PDE6C: variants seen among roughly 807,000 people sequenced by gnomAD.
The protein encoded by PDE6C is cone cGMP-specific 3',5'-cyclic phosphodiesterase subunit alpha'.
PDE6C carries 75 observed loss-of-function variants against 113.1 expected under a neutral mutation model. The observed-to-expected ratio is 0.66, with a 90% CI of 0.55 to 0.80. The LOEUF (loss-of-function observed/expected upper bound fraction) is 0.80. Ranked by LOEUF, PDE6C falls within the 30% of genes least tolerant of loss-of-function variation. The pLI is 0.00. For missense variants in PDE6C, 912 were observed against 1,038.6 expected (o/e 0.88, Z 1.67); for synonymous variants, 375 against 363.7 (o/e 1.03, Z -0.35).
chr10:93,619,786 A>C (rs564626), intron 1 of PDE6C, among the ~76,000 whole-genome samples: 61,497 of 152,074 alleles, frequency 0.4, 13,567 homozygotes, highest in Non-Finnish European at 0.49. Context: ...GTTCCTGTGG[A>C]TCCAGCAAAA....
chr10:93,634,792 A>C lies in PDE6C; in HGVS notation c.1154A>C (p.Lys385Thr). 6.2e-7 allele frequency: 1 copy of C among 1,614,164 alleles called. No homozygotes were observed. The highest frequency in any genetic ancestry group is 8.5e-7 in the Non-Finnish European group (1 of 1,180,002). The change falls in exon 9 of 22, where the codon AAG (lysine) becomes ACG (threonine). Residue 385 changes from lysine to threonine, a missense_variant. Coordinates refer to ENST00000371447, the MANE Select transcript of PDE6C (RefSeq NM_006204.4). ...GTAGACGAAACTGGTTGGGTCATTA[A>C]GAATGTTTTGTCCCTGCCTATTGTC... ...GPVDETGWVI[K>T]NVLSLPIVNK...
chr10:93,657,159 TG>T (rs1163594258), intron 16 of PDE6C, among the ~76,000 whole-genome samples: 2 of 151,664 alleles, frequency 1.3e-5, no homozygotes, highest in Admixed American at 6.6e-5. Flanking sequence ...TTGTTTTTTT[TG>T]TTTGGTTTCT....
intron 8 of PDE6C, among the ~76,000 whole-genome samples, chr10:93,633,426 G>A (rs182414883): frequency 9.2e-5 from 13 of 141,946 alleles, no homozygotes; most frequent in Middle Eastern, 4.0e-3. Flanking sequence ...AGATTGTGCC[G>A]TTGTACTCCA....
At chr10:93,626,159 C>T (rs1241760061) in intron 5 of PDE6C, among the ~76,000 whole-genome samples, 1 of 152,162 alleles carries the variant, frequency 6.6e-6, no homozygotes, top group Non-Finnish European at 1.5e-5. Context: ...TCAGCTTTGG[C>T]AGTGAAACCT....
chr10:93,634,731 T>A lies in PDE6C; in HGVS notation c.1120-27T>A, dbSNP rs543633866. ...ATTTCAAACTAAAAAGGCAAAAAAA[T>A]AACTTGAGGTCCCTTCTCGTTTGTA... On this transcript the variant is annotated intron_variant, in intron 8 of 21. Transcript: ENST00000371447. The A allele has an allele frequency of 6.8e-5, 110 of 1,613,536 alleles. 1 individual carries two copies. The South Asian group carries it at 1.2e-3, about 17-fold the overall frequency.
At chr10:93,640,403 C>T in intron 12 of PDE6C, 47 bp from the exon 13 acceptor site, 1 of 1,448,386 alleles carries the variant, frequency 6.9e-7, no homozygotes, top group Non-Finnish European at 9.7e-7. Flanking sequence ...GACCTTCTAA[C>T]CTTTAGAATT....
Position 93,613,081 on chromosome 10 carries a change from C to G in PDE6C, c.356C>G (p.Pro119Arg). ...EVASRLLDVTPTSKFEDNLVG... is the reference protein window; with the variant it reads ...EVASRLLDVTRTSKFEDNLVG... ...GCCTCTAGGTTGCTGGATGTCACCC[C>G]CACCTCCAAGTTTGAGGACAACCTG... The change falls in exon 1 of 22, where the codon CCC becomes CGC. Residue 119 changes from proline to arginine, a missense_variant. Pro to Arg is a moderately radical substitution (Grantham distance 103). Transcript: ENST00000371447. The G allele has an allele frequency of 1.9e-6, 3 of 1,614,182 alleles. No individual in the cohort carries two copies. Among genetic ancestry groups the G allele is most frequent in the Non-Finnish European group, 2.5e-6 (3 of 1,180,026 alleles).
chr10:93,613,598 C>T (rs976053628), intron 1 of PDE6C, among the ~76,000 whole-genome samples: 1 of 152,180 alleles, frequency 6.6e-6, no homozygotes, highest in Non-Finnish European at 1.5e-5. Flanking sequence ...GATGGGCCAA[C>T]GTGCCCAGAT....
intron 8 of PDE6C, among the ~76,000 whole-genome samples, 167 bp from the exon 9 acceptor site, chr10:93,634,591 T>C (rs2785144): frequency 0.96 from 145,540 of 152,290 alleles, 69,889 homozygotes; most frequent in East Asian, 1. Context: ...TTACACAAGA[T>C]GGTAGAAAAT....
rs1223504572 is a variant in PDE6C, at chr10:93,613,121, A to G, written c.396A>G (p.Lys132=). ...AGGACAACCTGGTGGGCCCTGACAA[A>G]GAAGTTGTGTTTCCATTGGACATTG... The part of the protein sequence containing the change: ...KFEDNLVGPD[K]EVVFPLDIGI... The change falls in exon 1 of 22, where the codon AAA becomes AAG. Residue 132 remains lysine (K), a synonymous_variant. Coordinates refer to ENST00000371447, the MANE Select transcript of PDE6C (RefSeq NM_006204.4). 6.2e-6 allele frequency: 10 copies of G among 1,614,052 alleles called. No individual in the cohort carries two copies. The highest frequency in any genetic ancestry group is 2.2e-5 in the South Asian group (2 of 91,080).
intron 8 of PDE6C, among the ~76,000 whole-genome samples, chr10:93,629,934 A>G (rs685932): frequency 0.96 from 146,479 of 152,144 alleles, 70,756 homozygotes; most frequent in East Asian, 1. Context: ...TAGTCCAGGG[A>G]TTGGGGACCC....
In PDE6C at chr10:93,665,501, A is replaced by G; in HGVS notation, c.*83A>G. 2 of 916,346 alleles carry G rather than the reference A, an allele frequency of 2.2e-6. No individual in the cohort carries two copies. The highest frequency in any genetic ancestry group is 3.6e-6 in the Non-Finnish European group (2 of 550,896). The allele number at this position is 916,346 out of a possible 1,614,324, so 56.8% of individuals were successfully genotyped here. A position where few individuals can be genotyped will look rare whatever the true frequency, so the allele number is the denominator to read the frequency against. ...ACATTCAAAAGAACTTCAACAAATC[A>G]TCACGTAACAGGATCTTCAGAAAAA... is the stretch of plus-strand genomic sequence containing the variant. On this transcript the variant is annotated 3_prime_UTR_variant, in exon 22 of 22. Coordinates refer to ENST00000371447, the MANE Select transcript of PDE6C (RefSeq NM_006204.4).
In PDE6C at chr10:93,658,907, G is replaced by T. The variant is rs778017428; in HGVS notation, c.2043G>T (p.Arg681Ser). The change falls in exon 17 of 22, where the codon AGG (arginine) becomes AGT (serine). Residue 681 changes from arginine (R) to serine (S), a missense_variant. Physicochemically the swap from Arg to Ser is moderately radical, Grantham distance 110. Transcript: ENST00000371447. ...ACAGCTGTATCTTTTCTAGGAAGAG[G>T]ACCATGTTTCAAAAAATTGTTGATG... ...ATDLALYFKKRTMFQKIVDAC... is the reference protein window; with the variant it reads ...ATDLALYFKKSTMFQKIVDAC... The T allele has an allele frequency of 1.3e-6, 2 of 1,595,940 alleles. No homozygotes were observed. The highest frequency in any genetic ancestry group is 1.3e-5 in the African/African-American group (1 of 74,550).
Position 93,640,532 on chromosome 10 carries a change from G to A in PDE6C, c.1712G>A (p.Gly571Glu). 1.9e-6 allele frequency: 3 copies of A among 1,612,884 alleles called. No individual in the cohort carries two copies. The highest frequency in any genetic ancestry group is 1.3e-5 in the African/African-American group (1 of 74,998). The part of the protein sequence containing the change: ...YHNWRHGFNV[G>E]QTMFTLLMTG... ...AATTGGCGGCATGGGTTCAACGTGG[G>A]GCAGACCATGTTTACTTTGCTGATG... Residue 571 changes from glycine (G) to glutamate (E), a missense_variant, in exon 13 of 22, where the codon GGG (glycine) becomes GAG (glutamate). Physicochemically the swap from Gly to Glu is moderately conservative, Grantham distance 98. Coordinates refer to ENST00000371447, the MANE Select transcript of PDE6C (RefSeq NM_006204.4).
At chr10:93,636,944 G>A (rs1564800371) in intron 10 of PDE6C, 51 bp from the exon 11 acceptor site, 2 of 954,014 alleles carry the variant, frequency 2.1e-6, no homozygotes, top group Non-Finnish European at 3.4e-6. Context: ...GGAATCAGAT[G>A]GAAATCTTCT....
intron 14 of PDE6C, among the ~76,000 whole-genome samples, chr10:93,642,695 G>A (rs2058565531): frequency 6.6e-6 from 1 of 152,168 alleles, no homozygotes; most frequent in Non-Finnish European, 1.5e-5. Flanking sequence ...TGTATAAAGT[G>A]TTGACCTCTC....
At chr10:93,646,559 G>A (rs990017469) in intron 15 of PDE6C, among the ~76,000 whole-genome samples, 3 of 152,162 alleles carry the variant, frequency 2.0e-5, no homozygotes, top group African/African-American at 7.2e-5. Flanking sequence ...TGTACAGGAA[G>A]CACGGCAGCA....
chr10:93,662,713 C>G (rs2058671809), intron 20 of PDE6C, 70 bp downstream of exon 20: 1 of 826,410 alleles, frequency 1.2e-6, no homozygotes, highest in South Asian at 1.4e-5. Flanking sequence ...AAACTGTCAC[C>G]AAAATTTAGA....
chr10:93,628,449 G>A (rs181894196), intron 7 of PDE6C, among the ~76,000 whole-genome samples: 1 of 152,242 alleles, frequency 6.6e-6, no homozygotes, highest in Non-Finnish European at 1.5e-5. Flanking sequence ...GTTGGGCTTG[G>A]TGGTGGGTGC....
Sources: allele counts gnomAD v4.1 joint callset (sites outside exome capture counted in the v4.1 genomes callset), GRCh38; gene constraint gnomAD v4.1.1; transcripts MANE v1.5; gene names NCBI Gene and HGNC (gene_info 2026-07-23, HGNC 2026-07-21).